Variants in KCTD9 observed in about 807,000 individuals in gnomAD.
KCTD9 encodes potassium channel tetramerization domain containing 9, also known as BTB/POZ domain-containing protein KCTD9.
A neutral mutation model predicts 53.3 loss-of-function variants in KCTD9; 17 were observed. That is an observed-to-expected ratio of 0.32 (90% CI 0.22 to 0.48). The LOEUF (loss-of-function observed/expected upper bound fraction) is 0.48, where lower values mean the gene tolerates loss of function less well. Ranked by LOEUF, KCTD9 falls within the 20% of genes least tolerant of loss-of-function variation. KCTD9 has a pLI of 0.99. For missense variants in KCTD9, 179 were observed against 465.5 expected (o/e 0.38, Z 5.66); for synonymous variants, 128 against 162.7 (o/e 0.79, Z 1.62).
Position 25,436,805 on chromosome 8 carries a change from T to C in KCTD9, c.500-320A>G, listed in dbSNP as rs80350360. Among the ~76,000 whole-genome samples the C allele has an allele frequency of 1.7e-4, 26 of 152,120 alleles. No individual in the cohort carries two copies. In the East Asian group the frequency reaches 5.0e-3, roughly 29 times the overall value. On this transcript the variant is annotated intron_variant, in intron 6 of 11. Coordinates refer to ENST00000221200, the MANE Select transcript of KCTD9 (RefSeq NM_017634.4). ...TTTACTTTAACTTGGTAAAAAAAAA[T>C]GTACATCCTTTACATGACTTGGTAT...
chr8:25,437,228 C>T (rs1802033439), intron 6 of KCTD9, among the ~76,000 whole-genome samples: 1 of 152,160 alleles, frequency 6.6e-6, no homozygotes, highest in Admixed American at 6.5e-5. Flanking sequence ...GATATATATC[C>T]CTGGTGGAAA....
chr8:25,458,110 C>T lies in KCTD9; in HGVS notation c.48+89G>A, dbSNP rs1802508380. The T allele has an allele frequency of 3.0e-6, 4 of 1,333,040 alleles. No individual in the cohort carries two copies. In the Admixed American group the frequency reaches 6.0e-5, roughly 20 times the overall value. The allele number at this position is 1,333,040 out of a possible 1,614,324, so 82.6% of individuals were successfully genotyped here. A position where few individuals can be genotyped will look rare whatever the true frequency, so the allele number is the denominator to read the frequency against. ...ACGCCCACCTCCCAGCCCCTCTACC[C>T]AACTTCACCGCTGCCCCGCCAGCCG... On this transcript the variant is annotated intron_variant, in intron 1 of 11. Transcript: ENST00000221200.
chr8:25,454,929 T>C (rs183437824), intron 1 of KCTD9, among the ~76,000 whole-genome samples: 1 of 152,300 alleles, frequency 6.6e-6, no homozygotes, highest in Admixed American at 6.5e-5. Context: ...AGGATTGACT[T>C]TAAACATTAA....
At chr8:25,452,986 G>A (rs1802356570) in intron 1 of KCTD9, among the ~76,000 whole-genome samples, 2 of 152,094 alleles carry the variant, frequency 1.3e-5, no homozygotes, top group South Asian at 4.2e-4. Context: ...GGGCAATATA[G>A]GAAGACATTG....
rs771211756 is a variant in KCTD9, at chr8:25,458,232, G to C, written c.15C>G (p.Thr5=). 11 of 1,609,562 alleles carry C rather than the reference G, an allele frequency of 6.8e-6. No individual in the cohort carries two copies. Among genetic ancestry groups the C allele is most frequent in the Non-Finnish European group, 9.3e-6 (11 of 1,179,296 alleles). The change falls in exon 1 of 12, where the codon ACC becomes ACG. Residue 5 remains threonine (T), a synonymous_variant. Transcript: ENST00000221200. ...TCTTGGGGCTGCCGTTCAGGAACAG[G>C]GTCACCCGCCTCATCGCGCTGCCCC... MRRV[T]LFLNGSPKNG... is the part of the protein sequence containing the mutation.
chr8:25,437,979 T>C (rs1413007320), intron 6 of KCTD9, among the ~76,000 whole-genome samples: 4 of 151,744 alleles, frequency 2.6e-5, no homozygotes, highest in African/African-American at 9.7e-5. Flanking sequence ...GGGCAACCTG[T>C]AGGCAATGTA....
intron 4 of KCTD9, among the ~76,000 whole-genome samples, chr8:25,440,304 C>T (rs944374605): frequency 6.6e-6 from 1 of 151,854 alleles, no homozygotes; most frequent in African/African-American, 2.4e-5. Context: ...GTGATCCGCC[C>T]GCCTCGGCCT....
At chr8:25,450,353 C>T (rs1802295802) in intron 1 of KCTD9, 1 of 985,228 alleles carries the variant, frequency 1.0e-6, no homozygotes. Context: ...CTACTAATAA[C>T]CGCCATAGGT....
At chr8:25,455,938 A>G (rs1802424188) in intron 1 of KCTD9, among the ~76,000 whole-genome samples, 1 of 152,202 alleles carries the variant, frequency 6.6e-6, no homozygotes, top group Non-Finnish European at 1.5e-5. Context: ...CCTCCAATAA[A>G]TCGTCTTGGA....
At chr8:25,446,319 C>A in intron 1 of KCTD9, 69 bp from the exon 2 acceptor site, 1 of 1,542,428 alleles carries the variant, frequency 6.5e-7, no homozygotes, top group Non-Finnish European at 8.9e-7. Flanking sequence ...TTATAAACTA[C>A]CACACTAGAA....
chr8:25,440,059 G>GTT lies in KCTD9; in HGVS notation c.312-397_312-396dup, dbSNP rs59794332. 4.0e-3 allele frequency among the ~76,000 whole-genome samples: 521 copies of GTT among 131,812 alleles called. 9 individuals carry two copies. Among genetic ancestry groups the GTT allele is most frequent in the African/African-American group, 9.2e-3 (325 of 35,324 alleles). 86.5% of individuals were successfully genotyped at this position (131,812 alleles called of 152,430 possible). A position where few individuals can be genotyped will look rare whatever the true frequency, so the allele number is the denominator to read the frequency against. ...TTATTACTCAATATCTAAAAAGCATGTTTTTTTTTTTTTTTTTGAGAAGGA... is the reference window on the plus strand; with the variant it reads ...TTATTACTCAATATCTAAAAAGCATGTTTTTTTTTTTTTTTTTTTGAGAAGGA... On this transcript the variant is annotated intron_variant, in intron 4 of 11. Transcript: ENST00000221200.
chr8:25,436,339 A>G lies in KCTD9; in HGVS notation c.568-9T>C. 1 of 1,604,408 alleles carries G rather than the reference A, an allele frequency of 6.2e-7. No individual in the cohort carries two copies. Among genetic ancestry groups the G allele is most frequent in the Non-Finnish European group, 8.5e-7 (1 of 1,171,534 alleles). On this transcript the variant is annotated splice_polypyrimidine_tract_variant and intron_variant, in intron 7 of 11. Transcript: ENST00000221200. ...TCCGGTGGTTGAGAATTCTTAAAAA[A>G]GACATTAAGAAATTAGTGGAGTCTT...
intron 3 of KCTD9, among the ~76,000 whole-genome samples, chr8:25,443,241 T>TA (rs67827926): frequency 0.41 from 61,724 of 151,724 alleles, 13,019 homozygotes; most frequent in African/African-American, 0.53. Context: ...CACTTCCCAC[T>TA]AAAAAAATCA....
In KCTD9 at chr8:25,428,416, G is replaced by C. The variant is rs1333381724; in HGVS notation, c.*1441C>G. ...AAGCTTTGCATATGTAGATATAGAAGAATAAGCTACGTAAATACTAAAGAT... is the reference window on the plus strand; with the variant it reads ...AAGCTTTGCATATGTAGATATAGAACAATAAGCTACGTAAATACTAAAGAT... On this transcript the variant is annotated 3_prime_UTR_variant, in exon 12 of 12. Transcript: ENST00000221200. 1 of 152,438 alleles carries C rather than the reference G, an allele frequency of 6.6e-6. No homozygotes were observed. Among genetic ancestry groups the C allele is most frequent in the Non-Finnish European group, 1.5e-5 (1 of 67,984 alleles). 9.4% of individuals were successfully genotyped at this position (152,438 alleles called of 1,614,324 possible).
At chr8:25,455,745 G>A (rs11987153) in intron 1 of KCTD9, among the ~76,000 whole-genome samples, 61,055 of 151,768 alleles carry the variant, frequency 0.4, 12,613 homozygotes, top group African/African-American at 0.51. Flanking sequence ...CAACCAATCT[G>A]TGAAGAAGAC....
chr8:25,434,135 C>T (rs1183882745), intron 9 of KCTD9, among the ~76,000 whole-genome samples: 3 of 152,026 alleles, frequency 2.0e-5, no homozygotes, highest in African/African-American at 7.2e-5. Context: ...AGTCTCACTC[C>T]GTCACCCAGG....
chr8:25,456,664 C>A (rs760563400), intron 1 of KCTD9, among the ~76,000 whole-genome samples: 2 of 151,558 alleles, frequency 1.3e-5, no homozygotes, highest in Admixed American at 6.6e-5. Flanking sequence ...AAATTTAAAT[C>A]CAAGAATCTA....
chr8:25,439,941 G>T, intron 4 of KCTD9: 1 of 459,840 alleles, frequency 2.2e-6, no homozygotes, highest in Non-Finnish European at 3.5e-6. Flanking sequence ...TAATATTCTT[G>T]ATCTTCCAAA....
chr8:25,450,489 TA>T (rs1232366144), intron 1 of KCTD9: 2 of 974,858 alleles, frequency 2.1e-6, no homozygotes, highest in African/African-American at 3.5e-5. Flanking sequence ...ACACTGTCAT[TA>T]GGGTAAAAAA....
Sources: gnomAD v4.1 joint callset for allele counts (sites outside exome capture counted in the v4.1 genomes callset) on GRCh38, gnomAD v4.1.1 for gene constraint, MANE v1.5 for transcripts, NCBI Gene and HGNC (gene_info 2026-07-23, HGNC 2026-07-21) for gene names.